Variants in ZNF804B observed in about 807,000 individuals in gnomAD.
ZNF804B encodes zinc finger 804B.
A neutral mutation model predicts 101.4 loss-of-function variants in ZNF804B; 80 were observed. The observed-to-expected ratio is 0.79, with a 90% CI of 0.66 to 0.95. The LOEUF is 0.95. ZNF804B is among the 40% of genes least tolerant of loss of function. ZNF804B has a pLI of 0.00. For missense variants in ZNF804B, 1,673 were observed against 1,561.9 expected (o/e 1.07, Z -1.20); for synonymous variants, 622 against 558.8 (o/e 1.11, Z -1.59).
At chr7:89,033,644 T>C (rs984293189) in intron 1 of ZNF804B, among the ~76,000 whole-genome samples, 13 of 152,200 alleles carry the variant, frequency 8.5e-5, no homozygotes, top group Admixed American at 6.6e-4. Context: ...AATGTGAAAC[T>C]TAAAACATGA....
At chr7:88,885,999 A>G (rs1332563443) in intron 1 of ZNF804B, among the ~76,000 whole-genome samples, 2 of 152,092 alleles carry the variant, frequency 1.3e-5, no homozygotes, top group African/African-American at 2.4e-5. Context: ...TTTTGTATCT[A>G]TCTGTTCTTT....
chr7:89,269,799 T>A lies in ZNF804B; in HGVS notation c.249+51504T>A, dbSNP rs1457281309. Among the ~76,000 whole-genome samples the A allele has an allele frequency of 3.9e-5, 6 of 152,342 alleles. No individual in the cohort carries two copies. In the East Asian group the frequency reaches 9.6e-4, roughly 24 times the overall value. ...TATCTCATTGTGGTTTTGATTTGCA[T>A]TTCTCTGATGGCCGGTGATGATGAG... On this transcript the variant is annotated intron_variant, in intron 2 of 3. Coordinates refer to ENST00000333190, the MANE Select transcript of ZNF804B (RefSeq NM_181646.5).
At chr7:89,036,607 C>T (rs1425488671) in intron 1 of ZNF804B, among the ~76,000 whole-genome samples, 1 of 152,082 alleles carries the variant, frequency 6.6e-6, no homozygotes, top group Non-Finnish European at 1.5e-5. Flanking sequence ...TTTATCAACT[C>T]TATACAGAAA....
At chr7:88,967,305 A>C (rs1018303492) in intron 1 of ZNF804B, among the ~76,000 whole-genome samples, 5 of 151,558 alleles carry the variant, frequency 3.3e-5, no homozygotes, top group African/African-American at 1.2e-4. Context: ...ACATGCTGGC[A>C]GGAGTGAGAG....
intron 1 of ZNF804B, among the ~76,000 whole-genome samples, chr7:88,888,998 T>G (rs1792176434): frequency 6.6e-6 from 1 of 152,184 alleles, no homozygotes; most frequent in Non-Finnish European, 1.5e-5. Context: ...TATGCTCCTG[T>G]GTGCTCATTG....
intron 1 of ZNF804B, among the ~76,000 whole-genome samples, chr7:88,881,136 A>T (rs1792023030): frequency 6.6e-6 from 1 of 152,082 alleles, no homozygotes; most frequent in Admixed American, 6.6e-5. Flanking sequence ...TTATGATAGA[A>T]GGTTTAGGAT....
At chr7:88,927,601 C>CA (rs1025673584) in intron 1 of ZNF804B, among the ~76,000 whole-genome samples, 1 of 152,086 alleles carries the variant, frequency 6.6e-6, no homozygotes, top group African/African-American at 2.4e-5. Flanking sequence ...AGTTCATTGA[C>CA]ATTGATTCTG....
chr7:89,219,669 A>G (rs1172259463), intron 2 of ZNF804B, among the ~76,000 whole-genome samples: 1 of 151,574 alleles, frequency 6.6e-6, no homozygotes, highest in Non-Finnish European at 1.5e-5. Flanking sequence ...GTGGCCAAAG[A>G]TTATTGCTAA....
intron 2 of ZNF804B, among the ~76,000 whole-genome samples, chr7:89,280,834 G>T (rs1562935838): frequency 6.6e-6 from 1 of 152,148 alleles, no homozygotes; most frequent in Non-Finnish European, 1.5e-5. Flanking sequence ...GTATAAGGAG[G>T]AACTGGTACC....
At chr7:89,278,632 C>G (rs200115164) in intron 2 of ZNF804B, among the ~76,000 whole-genome samples, 27 of 151,574 alleles carry the variant, frequency 1.8e-4, no homozygotes, top group East Asian at 1.9e-4. Flanking sequence ...GCTTGTTTTT[C>G]TCAGGTTTGT....
chr7:89,252,112 C>T (rs1375399903), intron 2 of ZNF804B, among the ~76,000 whole-genome samples: 3 of 152,024 alleles, frequency 2.0e-5, no homozygotes, highest in Non-Finnish European at 4.4e-5. Context: ...AATAAGAGTA[C>T]ACAGACAACA....
At chr7:89,134,005 T>C (rs528030870) in intron 1 of ZNF804B, among the ~76,000 whole-genome samples, 1 of 152,176 alleles carries the variant, frequency 6.6e-6, no homozygotes, top group African/African-American at 2.4e-5. Context: ...TGGATGAAAG[T>C]GGATTACTCC....
At chr7:89,074,062 A>C (rs1309150200) in intron 1 of ZNF804B, among the ~76,000 whole-genome samples, 1 of 152,108 alleles carries the variant, frequency 6.6e-6, no homozygotes, top group East Asian at 1.9e-4. Context: ...TAAAGATGAG[A>C]AATGGGGAAG....
chr7:88,838,978 T>C (rs1791257619), intron 1 of ZNF804B, among the ~76,000 whole-genome samples: 2 of 152,164 alleles, frequency 1.3e-5, no homozygotes, highest in East Asian at 3.9e-4. Context: ...CAGTTACTAA[T>C]ACATGTAACC....
Position 89,336,836 on chromosome 7 carries a change from C to T in ZNF804B, c.3854C>T (p.Pro1285Leu). 1.2e-6 allele frequency: 2 copies of T among 1,614,124 alleles called. No individual in the cohort carries two copies. Among genetic ancestry groups the T allele is most frequent in the Non-Finnish European group, 1.7e-6 (2 of 1,180,008 alleles). The change falls in exon 4 of 4, where the codon CCT (proline) becomes CTT (leucine). Residue 1285 changes from proline to leucine, a missense_variant. By Grantham distance (98) the Pro-to-Leu change is moderately conservative (BLOSUM62 -3). Coordinates refer to ENST00000333190, the MANE Select transcript of ZNF804B (RefSeq NM_181646.5). The stretch of plus-strand genomic sequence containing the variant: ...CACCCATCTCACATAACACTTCAGC[C>T]TCTGCCCCCTACAGCATTTATTCCT... ...PFHPSHITLQ[P>L]LPPTAFIPTL...
At chr7:88,821,564 A>T (rs1311123514) in intron 1 of ZNF804B, among the ~76,000 whole-genome samples, 3 of 152,192 alleles carry the variant, frequency 2.0e-5, no homozygotes, top group African/African-American at 7.2e-5. Context: ...GCCACGTGCA[A>T]GGTTATTGTA....
chr7:89,039,768 G>GT (rs1216266309), intron 1 of ZNF804B, among the ~76,000 whole-genome samples: 6 of 151,890 alleles, frequency 4.0e-5, no homozygotes, highest in East Asian at 1.9e-4. Context: ...TTGGTTGCCA[G>GT]TTTTTTTATT....
chr7:89,007,271 A>G (rs899062291), intron 1 of ZNF804B, among the ~76,000 whole-genome samples: 4 of 151,640 alleles, frequency 2.6e-5, no homozygotes, highest in African/African-American at 4.8e-5. Context: ...TTTACAAAAC[A>G]TAAGAGGCAT....
intron 1 of ZNF804B, among the ~76,000 whole-genome samples, chr7:88,851,028 A>C (rs1229930330): frequency 6.6e-6 from 1 of 152,124 alleles, no homozygotes; most frequent in East Asian, 1.9e-4. Flanking sequence ...TGAGATTAAC[A>C]GAAGATTAAA....
Sources: allele counts gnomAD v4.1 joint callset (sites outside exome capture counted in the v4.1 genomes callset), GRCh38; gene constraint gnomAD v4.1.1; transcripts MANE v1.5; gene names NCBI Gene and HGNC (gene_info 2026-07-23, HGNC 2026-07-21).